ADAMTSL1: variants seen among roughly 807,000 people sequenced by gnomAD.
The protein encoded by ADAMTSL1 is ADAMTS-like protein 1.
Under a neutral mutation model 201.8 loss-of-function variants are expected in ADAMTSL1, and 126 were observed. The ratio of observed to expected loss-of-function variants is 0.62; its 90% CI spans 0.54 to 0.72. ADAMTSL1 has a LOEUF of 0.72. Among genes scored for constraint, ADAMTSL1 ranks in the 30% least tolerant of loss-of-function variants. The pLI is 0.00. For synonymous variants in ADAMTSL1, 1,121 were observed against 903.4 expected (o/e 1.24, Z -4.32); for missense variants, 2,679 against 2,277.8 (o/e 1.18, Z -3.59).
intron 5 of ADAMTSL1, among the ~76,000 whole-genome samples, chr9:18,629,638 C>T (rs892962996): frequency 2.6e-5 from 4 of 152,012 alleles, no homozygotes; most frequent in East Asian, 1.9e-4. Flanking sequence ...TAGTTTGATT[C>T]GGCAGTATTT....
chr9:18,598,830 C>A (rs916459030), intron 4 of ADAMTSL1, among the ~76,000 whole-genome samples: 1 of 151,180 alleles, frequency 6.6e-6, no homozygotes, highest in South Asian at 2.1e-4. Context: ...TTGCCATCAG[C>A]GTTACAAGTG....
At chr9:18,573,923 C>T (rs1030583059) in intron 3 of ADAMTSL1, 107 bp from the exon 4 acceptor site, 21 of 788,534 alleles carry the variant, frequency 2.7e-5, no homozygotes, top group Middle Eastern at 5.3e-4. Context: ...ATGACCAGGA[C>T]ATTTGTTTTG....
intron 15 of ADAMTSL1, among the ~76,000 whole-genome samples, chr9:18,749,197 T>C (rs936077597): frequency 9.2e-5 from 14 of 152,174 alleles, no homozygotes; most frequent in African/African-American, 3.1e-4. Context: ...ACATACCTTT[T>C]TTTGGAGACA....
intron 15 of ADAMTSL1, among the ~76,000 whole-genome samples, chr9:18,725,196 G>A (rs939472384): frequency 2.6e-5 from 4 of 152,084 alleles, no homozygotes; most frequent in African/African-American, 9.7e-5. Flanking sequence ...GTGAGCCAAC[G>A]TGCCCGGCCA....
At chr9:18,401,795 G>A (rs1387729022) in intron 2 of ADAMTSL1, among the ~76,000 whole-genome samples, 2 of 152,094 alleles carry the variant, frequency 1.3e-5, no homozygotes, top group Non-Finnish European at 2.9e-5. Flanking sequence ...TCAGGGAGAG[G>A]AAGCTGTTCG....
At position 17,952,319 on chromosome 9, in the gene ADAMTSL1, A is replaced by G. The variant is rs551794108; in HGVS notation, c.87+45397A>G. On this transcript the variant is annotated intron_variant, in intron 1 of 29. Transcript: ENST00000680146. ...GAACAAATTCCTACCCTGAAATAAT[A>G]TTCTTATGAAGTATTTCTCTGAAAG... Among the ~76,000 whole-genome samples, 64 of 152,068 alleles carry G rather than the reference A, an allele frequency of 4.2e-4. No homozygotes were observed. In the Middle Eastern group the frequency reaches 0.01, roughly 24 times the overall value.
chr9:18,617,518 G>A lies in ADAMTSL1; in HGVS notation c.475-4725G>A, dbSNP rs1825769881. Among the ~76,000 whole-genome samples, 3 of 146,464 alleles carry A rather than the reference G, an allele frequency of 2.0e-5. No individual in the cohort carries two copies. The South Asian group carries it at 6.5e-4, about 32-fold the overall frequency. ...TTTTTGGCAGGGGGGAGGGGGCTGG[G>A]TCGGGGGGCAGTTCTCTCCCTCCCT... On this transcript the variant is annotated intron_variant, in intron 4 of 28. Coordinates refer to ENST00000380548, the MANE Select transcript of ADAMTSL1 (RefSeq NM_001040272.6).
intron 1 of ADAMTSL1, among the ~76,000 whole-genome samples, chr9:17,967,803 A>G (rs1050404327): frequency 2.0e-5 from 3 of 152,044 alleles, no homozygotes; most frequent in Admixed American, 1.3e-4. Context: ...TTTAACATGT[A>G]TATACTTTCT....
At chr9:18,610,074 T>C (rs10963664) in intron 4 of ADAMTSL1, among the ~76,000 whole-genome samples, 3,808 of 152,162 alleles carry the variant, frequency 0.025, 95 homozygotes, top group East Asian at 0.12. Flanking sequence ...GGGTAAGAAG[T>C]GGCCAGGGAA....
intron 2 of ADAMTSL1, among the ~76,000 whole-genome samples, chr9:18,265,993 C>T (rs1291891231): frequency 6.6e-6 from 1 of 151,874 alleles, no homozygotes; most frequent in Non-Finnish European, 1.5e-5. Context: ...CATGGAATAA[C>T]TTTAATTTAA....
Position 18,829,967 on chromosome 9 carries a change from T to C in ADAMTSL1, c.4239T>C (p.Ser1413=), listed in dbSNP as rs1023795426. 1.2e-6 allele frequency: 2 copies of C among 1,610,836 alleles called. No individual in the cohort carries two copies. Among genetic ancestry groups the C allele is most frequent in the Non-Finnish European group, 1.7e-6 (2 of 1,178,586 alleles). The stretch of plus-strand genomic sequence containing the variant: ...AGCTGGTCCTGGATCCTGGGAATTC[T>C]GCTCTCCTTGGTGAGTCTAACCCTC... ...GTQLVLDPGN[S]ALLGCPIKGH... is the part of the protein sequence containing the mutation. The change falls in exon 23 of 29, where the codon TCT becomes TCC. Residue 1413 remains serine, a synonymous_variant. Transcript: ENST00000380548.
At chr9:18,317,393 AACACACAC>A (rs57642851) in intron 2 of ADAMTSL1, among the ~76,000 whole-genome samples, 16 of 149,044 alleles carry the variant, frequency 1.1e-4, no homozygotes, top group East Asian at 2.0e-4. Context: ...AAGTGTCCTC[AACACACAC>A]ACACACACAC....
intron 1 of ADAMTSL1, among the ~76,000 whole-genome samples, chr9:18,125,955 G>A (rs1825711761): frequency 6.6e-6 from 1 of 152,120 alleles, no homozygotes; most frequent in Admixed American, 6.5e-5. Context: ...TTGAAATTGT[G>A]ACCTGGGACA....
intron 4 of ADAMTSL1, among the ~76,000 whole-genome samples, chr9:18,609,374 AAAGAGCCAACCATGC>A (rs377736718): frequency 0.12 from 18,505 of 152,112 alleles, 1,212 homozygotes; most frequent in Middle Eastern, 0.2. Context: ...GTCATTTCCC[AAAGAGCCAACCATGC>A]TTGCTGGTAT....
intron 1 of ADAMTSL1, among the ~76,000 whole-genome samples, chr9:18,119,183 T>A (rs772971919): frequency 7.2e-5 from 11 of 152,342 alleles, no homozygotes; most frequent in Admixed American, 2.0e-4. Context: ...TGTAAGAAGT[T>A]GTTATTATTA....
chr9:18,762,874 A>G (rs376020609), intron 16 of ADAMTSL1, among the ~76,000 whole-genome samples: 72 of 152,308 alleles, frequency 4.7e-4, no homozygotes, highest in African/African-American at 1.6e-3. Flanking sequence ...GTGTATGTGT[A>G]CCACATTTTC....
chr9:18,528,819 A>G (rs1246013529), intron 2 of ADAMTSL1, among the ~76,000 whole-genome samples: 2 of 152,094 alleles, frequency 1.3e-5, no homozygotes, highest in Admixed American at 6.6e-5. Context: ...TATTGGGAGG[A>G]CATATTTATT....
intron 23 of ADAMTSL1, among the ~76,000 whole-genome samples, chr9:18,873,299 T>C (rs1256757240): frequency 6.6e-6 from 1 of 152,230 alleles, no homozygotes; most frequent in Non-Finnish European, 1.5e-5. Flanking sequence ...GCTTTTTAGT[T>C]TAATTAGGTT....
Position 18,684,761 on chromosome 9 carries a change from A to G in ADAMTSL1, c.1535A>G (p.Gln512Arg). The change falls in exon 13 of 29, where the codon CAA (glutamine) becomes CGA (arginine). Residue 512 changes from glutamine (Q) to arginine (R), a missense_variant. Physicochemically the swap from Gln to Arg is conservative, Grantham distance 43. Coordinates refer to ENST00000380548, the MANE Select transcript of ADAMTSL1 (RefSeq NM_001040272.6). ...EAKLPWFKQA[Q>R]ELEEGAAVSE... ...AAGTTGCCATGGTTCAAACAAGCTC[A>G]AGAGCTAGAAGAAGGAGCTGCTGTG... 3.1e-6 allele frequency: 5 copies of G among 1,612,972 alleles called. No individual in the cohort carries two copies. Among genetic ancestry groups the G allele is most frequent in the Non-Finnish European group, 4.2e-6 (5 of 1,179,634 alleles).
Sources: allele counts gnomAD v4.1 joint callset (sites outside exome capture counted in the v4.1 genomes callset), GRCh38; gene constraint gnomAD v4.1.1; transcripts MANE v1.5; gene names NCBI Gene and HGNC (gene_info 2026-07-23, HGNC 2026-07-21).